The following JAML variants were observed in gnomAD, a reference collection of about 807,000 sequenced individuals.
The protein encoded by JAML is junctional adhesion molecule-like.
A neutral mutation model predicts 39.3 loss-of-function variants in JAML; 25 were observed. The ratio of observed to expected loss-of-function variants is 0.64; its 90% CI spans 0.46 to 0.89. The LOEUF is 0.89. Among genes scored for constraint, JAML ranks in the 40% least tolerant of loss-of-function variants. The pLI is 0.00. For synonymous variants in JAML, 162 were observed against 179.2 expected (o/e 0.90, Z 0.77); for missense variants, 440 against 486.9 (o/e 0.90, Z 0.91).
intron 5 of JAML, chr11:118,203,943 A>G (rs894511786): frequency 2.5e-6 from 1 of 397,632 alleles, no homozygotes; most frequent in Non-Finnish European, 4.7e-6. Flanking sequence ...CCAATAAAAA[A>G]AAAGCAAAAG....
intron 5 of JAML, 29 bp downstream of exon 5, chr11:118,205,853 C>G (rs1464715782): frequency 6.3e-7 from 1 of 1,591,514 alleles, no homozygotes; most frequent in Non-Finnish European, 8.6e-7. Flanking sequence ...AGAGCCTTCT[C>G]TAACACAGTG....
At position 118,194,386 on chromosome 11, in the gene JAML, C is replaced by T. The variant is rs569068918; in HGVS notation, c.1124G>A (p.Arg375Gln). Residue 375 changes from arginine to glutamine, a missense_variant, in exon 10 of 10, where the codon CGG becomes CAG. Transcript: ENST00000356289. ...TGACTTTTTTTCAAGTGAGTTGTTC[C>T]GATCTGACCTCAGAGAAGGCCAAAC... The part of the protein sequence containing the change: ...HPVWPSLRSD[R>Q]NNSLEKKSGG... The T allele has an allele frequency of 1.6e-5, 26 of 1,613,914 alleles. No homozygotes were observed. Among genetic ancestry groups the T allele is most frequent in the South Asian group, 8.8e-5 (8 of 91,080 alleles).
Position 118,194,157 on chromosome 11 carries a change from C to T in JAML, c.*168G>A, listed in dbSNP as rs1359261044. On this transcript the variant is annotated 3_prime_UTR_variant, in exon 10 of 10. Transcript: ENST00000356289. ...GCAGGCCTGTTCCTCCAGAGCTGTC[C>T]AGTCTCTCTGCCAGGCTCCAAATTC... is the stretch of plus-strand genomic sequence containing the variant. 1 of 631,188 alleles carries T rather than the reference C, an allele frequency of 1.6e-6. No homozygotes were observed. Among genetic ancestry groups the T allele is most frequent in the African/African-American group, 1.8e-5 (1 of 54,864 alleles). The allele number at this position is 631,188 out of a possible 1,614,324, so 39.1% of individuals were successfully genotyped here. A position where few individuals can be genotyped will look rare whatever the true frequency, so the allele number is the denominator to read the frequency against.
In JAML at chr11:118,196,764, C is replaced by T. The variant is rs267602712; in HGVS notation, c.1063G>A (p.Glu355Lys). Residue 355 changes from glutamate to lysine, a missense_variant, in exon 9 of 10, where the codon GAA becomes AAA. Glu to Lys is a moderately conservative substitution (Grantham distance 56). Transcript: ENST00000356289. ...GTCATGTAGGTGGCCTCTGATTTTT[C>T]ACTTGGTTCTTCTTCCTCGATCACC... ...REVIEEEEPS[E>K]KSEATYMTMH... 6.8e-6 allele frequency: 11 copies of T among 1,612,994 alleles called. No individual in the cohort carries two copies. The African/African-American group carries it at 1.5e-4, about 22-fold the overall frequency.
At position 118,201,982 on chromosome 11, in the gene JAML, G is replaced by GAACT. The variant is rs202142639; in HGVS notation, c.773-1371_773-1370insAGTT. ...GTAGAGTTGACTAAGTATATCCATG[G>GAACT]GTGTGTGTGGAACTGTGTCCAACAT... is the stretch of plus-strand genomic sequence containing the variant. On this transcript the variant is annotated intron_variant, in intron 6 of 9. Coordinates refer to ENST00000356289, the MANE Select transcript of JAML (RefSeq NM_001098526.2). 9.1e-3 allele frequency: 1,386 copies of GAACT among 152,340 alleles called. 7 individuals are homozygous for GAACT. The highest frequency in any genetic ancestry group is 0.021 in the South Asian group (99 of 4,824). 9.4% of individuals were successfully genotyped at this position (152,340 alleles called of 1,614,324 possible). A position where few individuals can be genotyped will look rare whatever the true frequency, so the allele number is the denominator to read the frequency against.
Position 118,196,959 on chromosome 11 carries a change from T to G in JAML, c.1006-138A>C, listed in dbSNP as rs1948671425. ...AGAGGGTTACTGAGACCTAGAGAATTCTCAACAATGATAATTCAGTCTTCA... is the reference window on the plus strand; with the variant it reads ...AGAGGGTTACTGAGACCTAGAGAATGCTCAACAATGATAATTCAGTCTTCA... On this transcript the variant is annotated intron_variant, in intron 8 of 9. Coordinates refer to ENST00000356289, the MANE Select transcript of JAML (RefSeq NM_001098526.2). The G allele has an allele frequency of 1.9e-5, 12 of 647,526 alleles. 1 individual carries two copies. The South Asian group carries it at 2.2e-4, about 12-fold the overall frequency. The allele number at this position is 647,526 out of a possible 1,614,324, so 40.1% of individuals were successfully genotyped here. A position where few individuals can be genotyped will look rare whatever the true frequency, so the allele number is the denominator to read the frequency against.
Position 118,218,584 on chromosome 11 carries a change from C to T in JAML, c.-20-3698G>A, listed in dbSNP as rs139027489. 7.6e-4 allele frequency among the ~76,000 whole-genome samples: 116 copies of T among 152,274 alleles called. No homozygotes were observed. The East Asian group carries it at 0.011, about 14-fold the overall frequency. ...TCCAGTGCCAGCATGGTGTGAGGTA[C>T]GGGGACATCCTCAGTAACTACTTGT... is the stretch of plus-strand genomic sequence containing the variant. On this transcript the variant is annotated intron_variant, in intron 1 of 9. Transcript: ENST00000356289.
chr11:118,221,728 G>A (rs1032385949), intron 1 of JAML, among the ~76,000 whole-genome samples: 1 of 152,118 alleles, frequency 6.6e-6, no homozygotes, highest in Admixed American at 6.5e-5. Flanking sequence ...TGGTGCCCTG[G>A]GTTCAATTCC....
intron 6 of JAML, chr11:118,201,400 A>C (rs1948793999): frequency 6.6e-6 from 1 of 152,272 alleles, no homozygotes; most frequent in African/African-American, 2.4e-5. Context: ...TGAGATCTGG[A>C]GGCCTGACAG....
chr11:118,202,561 A>G (rs1446368654), intron 6 of JAML: 4 of 198,078 alleles, frequency 2.0e-5, no homozygotes, highest in Non-Finnish European at 4.3e-5. Flanking sequence ...GGGGAGACAT[A>G]GATATGTTTG....
chr11:118,206,505 A>T (rs1948918435), intron 4 of JAML, among the ~76,000 whole-genome samples: 1 of 151,882 alleles, frequency 6.6e-6, no homozygotes, highest in South Asian at 2.1e-4. Flanking sequence ...TAACCCACTG[A>T]CTCTCCCAAC....
At chr11:118,194,828 C>T (rs748859440) in intron 9 of JAML, among the ~76,000 whole-genome samples, 12 of 152,184 alleles carry the variant, frequency 7.9e-5, no homozygotes, top group Non-Finnish European at 1.0e-4. Context: ...TCAGAGAACA[C>T]CTTTATAAAT....
rs186409060 is a variant in JAML at position 118,196,677 on chromosome 11, C to T, written c.1092+58G>A. 1.4e-5 allele frequency: 21 copies of T among 1,488,248 alleles called. No individual in the cohort carries two copies. In the East Asian group the frequency reaches 2.5e-4, roughly 18 times the overall value. The allele number at this position is 1,488,248 out of a possible 1,614,324, so 92.2% of individuals were successfully genotyped here. A position where few individuals can be genotyped will look rare whatever the true frequency, so the allele number is the denominator to read the frequency against. On this transcript the variant is annotated intron_variant, in intron 9 of 9. Transcript: ENST00000356289. ...CCTTGGGCAACCCAGCCACGCCCAC[C>T]ACCACCACCACCTGAGCCTCTGACA...
At chr11:118,194,566 G>A in intron 9 of JAML, 149 bp from the exon 10 acceptor site, 1 of 656,436 alleles carries the variant, frequency 1.5e-6, no homozygotes, top group Non-Finnish European at 2.7e-6. Context: ...ACCACCAGGA[G>A]GTAGGTATTA....
chr11:118,212,179 C>T (rs1949075172), intron 3 of JAML, among the ~76,000 whole-genome samples: 1 of 152,218 alleles, frequency 6.6e-6, no homozygotes, highest in African/African-American at 2.4e-5. Context: ...AATTGCCTTC[C>T]TCTTCACAGC....
intron 9 of JAML, among the ~76,000 whole-genome samples, chr11:118,195,460 G>A (rs78037949): frequency 6.6e-6 from 1 of 152,082 alleles, no homozygotes; most frequent in Non-Finnish European, 1.5e-5. Flanking sequence ...ACAGAACACT[G>A]CTCCTTAATA....
At chr11:118,198,193 G>T in intron 7 of JAML, 102 bp from the exon 8 acceptor site, 1 of 950,918 alleles carries the variant, frequency 1.1e-6, no homozygotes, top group Non-Finnish European at 1.7e-6. Flanking sequence ...AGAGACACCA[G>T]AGAAGGAACT....
rs1948857383 is a variant in JAML at position 118,203,557 on chromosome 11, T to A, written c.643A>T (p.Asn215Tyr). Residue 215 changes from asparagine to tyrosine, a missense_variant, in exon 6 of 10, where the codon AAT (asparagine) becomes TAT (tyrosine). Physicochemically the swap from Asn to Tyr is moderately radical, Grantham distance 143. Coordinates refer to ENST00000356289, the MANE Select transcript of JAML (RefSeq NM_001098526.2). ...CCTTGAAGCATGATGGAACCGTCAT[T>A]GCGGAAAATGTCCCCCACCAGGTTC... ...RVNLVGDIFRNDGSIMLQGVR... is the reference protein window; with the variant it reads ...RVNLVGDIFRYDGSIMLQGVR... 6.2e-7 allele frequency: 1 copy of A among 1,614,178 alleles called. No individual in the cohort carries two copies. Among genetic ancestry groups the A allele is most frequent in the Non-Finnish European group, 8.5e-7 (1 of 1,180,032 alleles).
chr11:118,197,923 G>C, intron 8 of JAML, 75 bp downstream of exon 8: 1 of 1,350,970 alleles, frequency 7.4e-7, no homozygotes, highest in South Asian at 1.2e-5. Flanking sequence ...CAATGGGTAA[G>C]ATATGGTTCC....
Sources: gnomAD v4.1 joint callset for allele counts (sites outside exome capture counted in the v4.1 genomes callset) on GRCh38, gnomAD v4.1.1 for gene constraint, MANE v1.5 for transcripts, NCBI Gene and HGNC (gene_info 2026-07-23, HGNC 2026-07-21) for gene names.